The following ATP2B4 variants were observed in gnomAD, a reference collection of about 807,000 sequenced individuals.
ATP2B4 encodes ATPase plasma membrane Ca2+ transporting 4.
Under a neutral mutation model 110.3 loss-of-function variants are expected in ATP2B4, and 39 were observed. The observed-to-expected ratio is 0.35, with a 90% CI of 0.27 to 0.46. The LOEUF (loss-of-function observed/expected upper bound fraction) is 0.46. Ranked by LOEUF, ATP2B4 falls within the 20% of genes least tolerant of loss-of-function variation. The pLI, the probability that ATP2B4 is intolerant of heterozygous loss-of-function variation, is 1.00. For missense variants in ATP2B4, 1,135 were observed against 1,530.9 expected (o/e 0.74, Z 4.32); for synonymous variants, 538 against 571.7 (o/e 0.94, Z 0.84).
chr1:203,642,612 C>T (rs1227965031), intron 1 of ATP2B4, among the ~76,000 whole-genome samples: 4 of 152,136 alleles, frequency 2.6e-5, no homozygotes, highest in Non-Finnish European at 5.9e-5. Context: ...TGCTAATTTC[C>T]ACTGGGTTTT....
At chr1:203,723,690 G>A (rs1050136385) in intron 18 of ATP2B4, among the ~76,000 whole-genome samples, 191 bp from the exon 19 acceptor site, 2 of 152,002 alleles carry the variant, frequency 1.3e-5, no homozygotes. Context: ...CCCCATCAGA[G>A]TGCTCTTAAA....
At chr1:203,713,088 A>T in intron 13 of ATP2B4, 77 bp from the exon 14 acceptor site, 1 of 1,476,888 alleles carries the variant, frequency 6.8e-7, no homozygotes, top group East Asian at 2.3e-5. Flanking sequence ...AGTGACTCCA[A>T]GTGTATGGAG....
intron 18 of ATP2B4, 41 bp from the exon 19 acceptor site, chr1:203,723,840 G>C (rs376159360): frequency 6.6e-7 from 1 of 1,517,660 alleles, no homozygotes; most frequent in Non-Finnish European, 8.9e-7. Flanking sequence ...CTGCCTGTTA[G>C]TCATTTCCTT....
At chr1:203,630,669 G>A (rs965551807) in intron 1 of ATP2B4, among the ~76,000 whole-genome samples, 1 of 152,116 alleles carries the variant, frequency 6.6e-6, no homozygotes. Flanking sequence ...TTCTTCCCCC[G>A]AAGGGCGCCC....
intron 1 of ATP2B4, among the ~76,000 whole-genome samples, chr1:203,637,170 G>A (rs964799112): frequency 6.6e-6 from 1 of 152,138 alleles, no homozygotes; most frequent in Non-Finnish European, 1.5e-5. Context: ...GGTGGCTCAC[G>A]CCTGTAATCC....
rs757808165 is a variant in ATP2B4, at chr1:203,707,121, G to A, written c.1212G>A (p.Gln404=). ...WLPECTPIYI[Q]YFVKFFIIGI... The stretch of plus-strand genomic sequence containing the variant: ...CTGAGTGTACTCCCATCTACATCCA[G>A]TACTTTGTCAAGTTCTTCATCATCG... The change falls in exon 9 of 21, where the codon CAG becomes CAA. Residue 404 remains glutamine, a synonymous_variant. Coordinates refer to ENST00000357681, the MANE Select transcript of ATP2B4 (RefSeq NM_001684.5). 12 of 1,614,036 alleles carry A rather than the reference G, an allele frequency of 7.4e-6. No homozygotes were observed. Among genetic ancestry groups the A allele is most frequent in the South Asian group, 1.1e-5 (1 of 91,084 alleles).
intron 20 of ATP2B4, among the ~76,000 whole-genome samples, chr1:203,730,579 C>T (rs1199636631): frequency 2.6e-5 from 4 of 152,196 alleles, no homozygotes; most frequent in Non-Finnish European, 5.9e-5. Context: ...TTCTCCTAGC[C>T]AAGATTCCCT....
At chr1:203,645,465 G>A (rs1571674898) in intron 1 of ATP2B4, among the ~76,000 whole-genome samples, 1 of 151,596 alleles carries the variant, frequency 6.6e-6, no homozygotes, top group East Asian at 1.9e-4. Context: ...GTTTTGTGAG[G>A]GGTTTTTTTA....
At chr1:203,672,612 G>A (rs546370940) in intron 1 of ATP2B4, among the ~76,000 whole-genome samples, 2 of 152,246 alleles carry the variant, frequency 1.3e-5, no homozygotes, top group African/African-American at 4.8e-5. Flanking sequence ...TGAGCCTGGT[G>A]CTTCTTCTGG....
At chr1:203,713,073 C>G (rs892114689) in intron 13 of ATP2B4, 92 bp from the exon 14 acceptor site, 8 of 1,357,102 alleles carry the variant, frequency 5.9e-6, no homozygotes, top group Non-Finnish European at 7.3e-6. Flanking sequence ...TGTACCCAAT[C>G]TCCCAGTGAC....
intron 18 of ATP2B4, among the ~76,000 whole-genome samples, chr1:203,723,227 A>G (rs996789745): frequency 7.0e-6 from 1 of 143,414 alleles, no homozygotes; most frequent in African/African-American, 2.6e-5. Context: ...TCAGCAGGGC[A>G]CCTCCCTTTA....
intron 2 of ATP2B4, among the ~76,000 whole-genome samples, chr1:203,696,080 A>G (rs1466034469): frequency 6.6e-6 from 1 of 151,942 alleles, no homozygotes; most frequent in African/African-American, 2.4e-5. Context: ...ATGCGCCACC[A>G]CACCCAGCTA....
chr1:203,645,731 C>T (rs1044217034), intron 1 of ATP2B4, among the ~76,000 whole-genome samples: 1 of 151,990 alleles, frequency 6.6e-6, no homozygotes, highest in Non-Finnish European at 1.5e-5. Context: ...GCTGGAATTA[C>T]AAGTGCCTGC....
chr1:203,678,299 T>G (rs1354235326), intron 1 of ATP2B4, among the ~76,000 whole-genome samples: 1 of 152,102 alleles, frequency 6.6e-6, no homozygotes, highest in Admixed American at 6.5e-5. Context: ...AGTAAAAGAT[T>G]CCTTGGACAA....
At chr1:203,669,506 G>A (rs113497669) in intron 1 of ATP2B4, among the ~76,000 whole-genome samples, 8,357 of 151,998 alleles carry the variant, frequency 0.055, 514 homozygotes, top group African/African-American at 0.16. Flanking sequence ...GCGTGATCTC[G>A]GCTTACCACA....
chr1:203,698,184 A>G lies in ATP2B4; in HGVS notation c.221A>G (p.Glu74Gly), dbSNP rs750729824. ...CTGTCTGGGAACCCTGCAGATCTGG[A>G]GAAACGTAGGCAGGTGTTTGGACAC... ...EGLSGNPADL[E>G]KRRQVFGHNV... The change falls in exon 3 of 21, where the codon GAG becomes GGG. Residue 74 changes from glutamate to glycine, a missense_variant. Transcript: ENST00000357681. 20 of 1,614,124 alleles carry G rather than the reference A, an allele frequency of 1.2e-5. No homozygotes were observed. The highest frequency in any genetic ancestry group is 1.7e-5 in the Non-Finnish European group (20 of 1,180,024).
In ATP2B4 at chr1:203,670,773, C is replaced by G. The variant is rs147860662; in HGVS notation, c.-464-11969C>G. Among the ~76,000 whole-genome samples the G allele has an allele frequency of 1.8e-4, 27 of 152,342 alleles. No homozygotes were observed. The East Asian group carries it at 3.3e-3, about 18-fold the overall frequency. On this transcript the variant is annotated intron_variant, in intron 1 of 20. Transcript: ENST00000357681. Reference sequence around the variant, plus strand: ...TCTCCAACAAGAGCTTATGAGCTAACCAGGGCTGTCAGTTAGGACTTTAAC... The same window carrying G: ...TCTCCAACAAGAGCTTATGAGCTAAGCAGGGCTGTCAGTTAGGACTTTAAC...
chr1:203,634,930 C>A (rs141327991), intron 1 of ATP2B4, among the ~76,000 whole-genome samples: 1 of 152,100 alleles, frequency 6.6e-6, no homozygotes, highest in Non-Finnish European at 1.5e-5. Flanking sequence ...TCCCAAAGTG[C>A]GGGGATTACA....
At chr1:203,721,745 G>A (rs1291382804) in intron 17 of ATP2B4, among the ~76,000 whole-genome samples, 5 of 144,522 alleles carry the variant, frequency 3.5e-5, no homozygotes, top group Admixed American at 7.2e-5. Context: ...TCACTGCAAC[G>A]TCTGCCTCCC....
Sources: gnomAD v4.1 joint callset for allele counts (sites outside exome capture counted in the v4.1 genomes callset) on GRCh38, gnomAD v4.1.1 for gene constraint, MANE v1.5 for transcripts, NCBI Gene and HGNC (gene_info 2026-07-23, HGNC 2026-07-21) for gene names.